PSMA7: variants seen among roughly 807,000 people sequenced by gnomAD.
PSMA7 encodes the protein proteasome 20S subunit alpha 7.
In PSMA7, 5 loss-of-function variants were observed where a neutral mutation model predicts 31.3. The ratio of observed to expected loss-of-function variants is 0.16; its 90% CI spans 0.08 to 0.34. The LOEUF (loss-of-function observed/expected upper bound fraction) is 0.34, where lower values mean the gene tolerates loss of function less well. PSMA7 is among the 10% of genes least tolerant of loss of function. The pLI is 1.00. For missense variants in PSMA7, 217 were observed against 327.5 expected (o/e 0.66, Z 2.60); for synonymous variants, 155 against 121.9 (o/e 1.27, Z -1.79).
In PSMA7 at chr20:62,143,394, C is replaced by T. The variant is rs2056954879; in HGVS notation, c.-91G>A. Reference sequence around the variant, plus strand: ...GCACCCGCGACTCCCGGCGCCACTACGCCCGCGCCCCACCCTCGGCGCCGT... The same window carrying T: ...GCACCCGCGACTCCCGGCGCCACTATGCCCGCGCCCCACCCTCGGCGCCGT... On this transcript the variant is annotated 5_prime_UTR_variant, in exon 1 of 7. Transcript: ENST00000370873. 8.9e-6 allele frequency: 6 copies of T among 673,742 alleles called. No individual in the cohort carries two copies. The highest frequency in any genetic ancestry group is 4.9e-5 in the East Asian group (1 of 20,426). The allele number at this position is 673,742 out of a possible 1,614,324, so 41.7% of individuals were successfully genotyped here.
At chr20:62,137,717 C>G (rs2056903856) in intron 5 of PSMA7, among the ~76,000 whole-genome samples, 1 of 152,212 alleles carries the variant, frequency 6.6e-6, no homozygotes, top group African/African-American at 2.4e-5. Flanking sequence ...AATCCTGATG[C>G]CTACGCTCCC....
At chr20:62,140,150 A>C (rs536004845) in intron 2 of PSMA7, among the ~76,000 whole-genome samples, 26 of 152,340 alleles carry the variant, frequency 1.7e-4, no homozygotes, top group African/African-American at 5.8e-4. Context: ...TACCTGGCTG[A>C]AAATGCATTT....
chr20:62,142,268 G>C (rs766414052), intron 1 of PSMA7, among the ~76,000 whole-genome samples: 3 of 152,176 alleles, frequency 2.0e-5, no homozygotes, highest in African/African-American at 7.2e-5. Context: ...GGGGGTGGCA[G>C]TATTGGGGTG....
At position 62,140,961 on chromosome 20, in the gene PSMA7, C is replaced by T. The variant is rs1220550457; in HGVS notation, c.97-17G>A. On this transcript the variant is annotated splice_polypyrimidine_tract_variant and intron_variant, in intron 1 of 6. Transcript: ENST00000370873. ...AACACCAACCTTTAATTAAGATCCA[C>T]AAACCACGTAAGAAAGTGATATGAG... 7 of 1,613,762 alleles carry T rather than the reference C, an allele frequency of 4.3e-6. No homozygotes were observed. The highest frequency in any genetic ancestry group is 1.6e-4 in the Middle Eastern group (1 of 6,062).
intron 4 of PSMA7, among the ~76,000 whole-genome samples, chr20:62,138,794 G>A (rs942289369): frequency 1.3e-5 from 2 of 152,162 alleles, no homozygotes; most frequent in Non-Finnish European, 2.9e-5. Context: ...CTGACCTCAG[G>A]TGATCCAACT....
chr20:62,139,850 G>A lies in PSMA7; in HGVS notation c.279C>T (p.Ser93=), dbSNP rs201004132. The part of the protein sequence containing the change: ...VINRARVECQ[S]HRLTVEDPVT... ...CCGGGTCCTCCACAGTCAGCCGGTG[G>A]CTCTGGCACTCCACCCGGGCCCTGT... Residue 93 remains serine (S), a synonymous_variant, in exon 3 of 7, where the codon AGC becomes AGT. Coordinates refer to ENST00000370873, the MANE Select transcript of PSMA7 (RefSeq NM_002792.4). The A allele has an allele frequency of 2.8e-4, 447 of 1,613,974 alleles. No homozygotes were observed. Among genetic ancestry groups the A allele is most frequent in the Non-Finnish European group, 3.6e-4 (420 of 1,180,046 alleles).
intron 4 of PSMA7, among the ~76,000 whole-genome samples, chr20:62,138,528 C>T (rs557014216): frequency 1.4e-4 from 21 of 149,784 alleles, no homozygotes; most frequent in Non-Finnish European, 1.9e-4. Context: ...TGTTTTACTG[C>T]GCTATCAAGA....
In PSMA7 at chr20:62,139,765, G is replaced by A; in HGVS notation, c.348+16C>T. ...CCTGCTGCCAGAGGTGAGCATGCAA[G>A]CGGGCAGGCACCCACCTGCTTCAGA... On this transcript the variant is annotated intron_variant, in intron 3 of 6. Coordinates refer to ENST00000370873, the MANE Select transcript of PSMA7 (RefSeq NM_002792.4). 1 of 1,613,912 alleles carries A rather than the reference G, an allele frequency of 6.2e-7. No homozygotes were observed. The highest frequency in any genetic ancestry group is 1.1e-5 in the South Asian group (1 of 91,086).
chr20:62,141,028 G>A (rs1319524186), intron 1 of PSMA7, 84 bp from the exon 2 acceptor site: 1 of 1,528,854 alleles, frequency 6.5e-7, no homozygotes, highest in Non-Finnish European at 9.0e-7. Context: ...CCAGCACTTT[G>A]GGAGGCTGAG....
Position 62,139,013 on chromosome 20 carries a change from C to T in PSMA7, c.471+62G>A, listed in dbSNP as rs1223559189. ...GGGCCTACAGCAGGAAGCCCAGGAC[C>T]TCCCACCCCTCAAAGCCTTTTTCTG... On this transcript the variant is annotated intron_variant, in intron 4 of 6. Coordinates refer to ENST00000370873, the MANE Select transcript of PSMA7 (RefSeq NM_002792.4). 4 of 1,588,912 alleles carry T rather than the reference C, an allele frequency of 2.5e-6. No individual in the cohort carries two copies. The Admixed American group carries it at 5.2e-5, about 21-fold the overall frequency.
intron 1 of PSMA7, among the ~76,000 whole-genome samples, chr20:62,142,078 G>GT (rs2056932570): frequency 6.6e-6 from 1 of 152,208 alleles, no homozygotes; most frequent in African/African-American, 2.4e-5. Context: ...CACTGGAAAA[G>GT]TCTCCACACA....
intron 1 of PSMA7, chr20:62,142,429 CCT>C (rs1205614964): frequency 6.6e-6 from 1 of 152,292 alleles, no homozygotes; most frequent in Non-Finnish European, 1.5e-5. Context: ...CCTGCTCAAA[CCT>C]CTGAATACCA....
At chr20:62,139,363 T>C in intron 3 of PSMA7, 166 bp from the exon 4 acceptor site, 1 of 930,166 alleles carries the variant, frequency 1.1e-6, no homozygotes, top group Non-Finnish European at 1.6e-6. Flanking sequence ...CATCCTTTTC[T>C]GCATTTTCAC....
At position 62,140,852 on chromosome 20, in the gene PSMA7, A is replaced by G; in HGVS notation, c.189T>C (p.Cys63=). ...CCATGCAGACGTTGTCATCCAAAGCACAGATCTTCCGCACTGTTCTTTCAT... is the reference window on the plus strand; with the variant it reads ...CCATGCAGACGTTGTCATCCAAAGCGCAGATCTTCCGCACTGTTCTTTCAT... ...LQDERTVRKI[C]ALDDNVCMAF... The change falls in exon 2 of 7, where the codon TGT becomes TGC. Residue 63 remains cysteine (C), a synonymous_variant. Coordinates refer to ENST00000370873, the MANE Select transcript of PSMA7 (RefSeq NM_002792.4). The G allele has an allele frequency of 1.2e-6, 2 of 1,614,214 alleles. No homozygotes were observed. Among genetic ancestry groups the G allele is most frequent in the Non-Finnish European group, 1.7e-6 (2 of 1,180,030 alleles).
intron 2 of PSMA7, 98 bp from the exon 3 acceptor site, chr20:62,140,003 C>G: frequency 2.1e-6 from 3 of 1,442,290 alleles, no homozygotes; most frequent in Admixed American, 2.2e-5. Flanking sequence ...CACAGACCCC[C>G]CAAACCGGCA....
In PSMA7 at chr20:62,137,382, C is replaced by T; in HGVS notation, c.636G>A (p.Arg212=). The T allele has an allele frequency of 6.2e-7, 1 of 1,614,138 alleles. No individual in the cohort carries two copies. The highest frequency in any genetic ancestry group is 1.1e-5 in the South Asian group (1 of 91,082). The part of the protein sequence containing the change: ...GGKNIELAVM[R]RDQSLKILNP... Reference sequence around the variant, plus strand: ...TGATTACCTTGAGGGATTGATCTCGCCTCATGACAGCAAGTTCAATGTTTT... The same window carrying T: ...TGATTACCTTGAGGGATTGATCTCGTCTCATGACAGCAAGTTCAATGTTTT... Residue 212 remains arginine (R), a synonymous_variant, in exon 6 of 7, where the codon AGG becomes AGA. Transcript: ENST00000370873.
intron 1 of PSMA7, among the ~76,000 whole-genome samples, chr20:62,141,531 G>A (rs1257530985): frequency 1.3e-4 from 20 of 152,258 alleles, no homozygotes; most frequent in Admixed American, 1.3e-3. Context: ...ATACTGAGAT[G>A]TAGTTTTAGT....
rs747398252 is a variant in PSMA7 at position 62,140,777 on chromosome 20, A to G, written c.223+41T>C. On this transcript the variant is annotated intron_variant, in intron 2 of 6. Coordinates refer to ENST00000370873, the MANE Select transcript of PSMA7 (RefSeq NM_002792.4). ...ATCTCCAAAGCCCTATTCTTCGCTG[A>G]GACTCTAGAGAGTAAGACAGCGCTC... is the stretch of plus-strand genomic sequence containing the variant. 1.2e-5 allele frequency: 20 copies of G among 1,606,258 alleles called. No homozygotes were observed. In the East Asian group the frequency reaches 4.3e-4, roughly 34 times the overall value.
At position 62,138,058 on chromosome 20, in the gene PSMA7, A is replaced by C. The variant is rs1419906568; in HGVS notation, c.591+113T>G. On this transcript the variant is annotated intron_variant, in intron 5 of 6. Coordinates refer to ENST00000370873, the MANE Select transcript of PSMA7 (RefSeq NM_002792.4). ...GAGCAGTGCCTGGAACACAGCAGTC[A>C]TTAAGCATTACTGCTGGATCCTTGC... is the stretch of plus-strand genomic sequence containing the variant. 35 of 1,429,468 alleles carry C rather than the reference A, an allele frequency of 2.4e-5. No individual in the cohort carries two copies. In the East Asian group the frequency reaches 7.5e-4, roughly 31 times the overall value. 88.5% of individuals were successfully genotyped at this position (1,429,468 alleles called of 1,614,324 possible).
Sources: allele counts gnomAD v4.1 joint callset (sites outside exome capture counted in the v4.1 genomes callset), GRCh38; gene constraint gnomAD v4.1.1; transcripts MANE v1.5; gene names NCBI Gene and HGNC (gene_info 2026-07-23, HGNC 2026-07-21).